The following TBCK variants were observed in gnomAD, a reference collection of about 807,000 sequenced individuals.
TBCK encodes TBC1 domain containing kinase.
TBCK carries 99 observed loss-of-function variants against 113.4 expected under a neutral mutation model. The ratio of observed to expected loss-of-function variants is 0.87; its 90% CI spans 0.74 to 1.03. The LOEUF (loss-of-function observed/expected upper bound fraction) is 1.03. Ranked by LOEUF, TBCK falls within the 50% of genes least tolerant of loss-of-function variation. The probability of loss-of-function intolerance (pLI) is 0.00; values close to 1 mark genes in which losing one functional copy is unlikely to be tolerated. For synonymous variants in TBCK, 369 were observed against 370.8 expected, an observed-to-expected ratio of 1.00 and a Z score of 0.05; for missense variants, 1,045 against 1,061.3, an observed-to-expected ratio of 0.98 and a Z score of 0.21.
intron 12 of TBCK, chr4:106,237,380 C>A: frequency 2.9e-6 from 1 of 343,152 alleles, no homozygotes. Context: ...TTCCAAATAA[C>A]AACCCTGACA....
chr4:106,160,856 G>A (rs1179227070), intron 23 of TBCK, among the ~76,000 whole-genome samples: 1 of 151,980 alleles, frequency 6.6e-6, no homozygotes, highest in East Asian at 1.9e-4. Flanking sequence ...TAAAATGTGG[G>A]AGTAACCCAA....
intron 5 of TBCK, among the ~76,000 whole-genome samples, chr4:106,253,128 A>AT (rs922083308): frequency 1.3e-5 from 2 of 152,006 alleles, no homozygotes; most frequent in African/African-American, 4.8e-5. Context: ...GACACCTGGA[A>AT]TTTTTGTGTT....
chr4:106,073,967 G>C (rs1737851070), intron 25 of TBCK, among the ~76,000 whole-genome samples: 1 of 152,166 alleles, frequency 6.6e-6, no homozygotes, highest in Admixed American at 6.5e-5. Flanking sequence ...TAAGACCATT[G>C]GAAAAGTGCA....
Position 106,262,094 on chromosome 4 carries a change from T to C in TBCK, c.381+4A>G. Reference sequence around the variant, plus strand: ...AAATATTTATTACATGATTTAACAATTACCTTTCGGTCCAACAGGATATTA... The same window carrying C: ...AAATATTTATTACATGATTTAACAACTACCTTTCGGTCCAACAGGATATTA... On this transcript the variant is annotated splice_donor_region_variant and intron_variant, in intron 4 of 25. Coordinates refer to ENST00000394708, the MANE Select transcript of TBCK (RefSeq NM_001163435.3). 6.7e-7 allele frequency: 1 copy of C among 1,491,510 alleles called. No homozygotes were observed. The highest frequency in any genetic ancestry group is 1.4e-5 in the African/African-American group (1 of 71,304). The allele number at this position is 1,491,510 out of a possible 1,614,324, so 92.4% of individuals were successfully genotyped here.
chr4:106,075,105 A>T (rs1034933698), intron 25 of TBCK, among the ~76,000 whole-genome samples: 1 of 152,194 alleles, frequency 6.6e-6, no homozygotes, highest in Non-Finnish European at 1.5e-5. Flanking sequence ...ATATAATTCC[A>T]ACAAATATGC....
chr4:106,236,586 T>C (rs997113301), intron 13 of TBCK, 67 bp from the exon 14 acceptor site: 24 of 1,310,112 alleles, frequency 1.8e-5, no homozygotes, highest in East Asian at 5.6e-5. Context: ...TCTTTTTTTT[T>C]CCTAACTCTA....
At chr4:106,183,454 T>A (rs936585480) in intron 22 of TBCK, among the ~76,000 whole-genome samples, 1 of 152,016 alleles carries the variant, frequency 6.6e-6, no homozygotes, top group Non-Finnish European at 1.5e-5. Context: ...AAGACAGCCA[T>A]GAGCCTCACA....
intron 6 of TBCK, among the ~76,000 whole-genome samples, chr4:106,251,373 T>C (rs1030645209): frequency 7.2e-5 from 11 of 151,806 alleles, no homozygotes; most frequent in Admixed American, 2.6e-4. Context: ...CTGGTGTTTA[T>C]AGAAAAAAGA....
chr4:106,096,663 C>G (rs965980773), intron 24 of TBCK, among the ~76,000 whole-genome samples: 4 of 152,138 alleles, frequency 2.6e-5, no homozygotes, highest in African/African-American at 9.7e-5. Context: ...TCAGATGACC[C>G]TGCTACAACC....
chr4:106,214,060 CCT>C (rs1305771102), intron 19 of TBCK, among the ~76,000 whole-genome samples: 1 of 152,114 alleles, frequency 6.6e-6, no homozygotes, highest in Non-Finnish European at 1.5e-5. Flanking sequence ...GTCCCTGACC[CCT>C]GACCCCCGAG....
At chr4:106,289,555 G>A (rs1408791778) in intron 3 of TBCK, among the ~76,000 whole-genome samples, 1 of 152,042 alleles carries the variant, frequency 6.6e-6, no homozygotes, top group African/African-American at 2.4e-5. Context: ...CAGATCATGA[G>A]GTCAGGAGTT....
intron 23 of TBCK, among the ~76,000 whole-genome samples, chr4:106,118,633 AC>A (rs1743859289): frequency 6.6e-6 from 1 of 152,164 alleles, no homozygotes; most frequent in Non-Finnish European, 1.5e-5. Flanking sequence ...AAAATAAAGA[AC>A]TTTTTGATTA....
At chr4:106,187,064 T>A (rs1347883174) in intron 22 of TBCK, among the ~76,000 whole-genome samples, 1 of 152,188 alleles carries the variant, frequency 6.6e-6, no homozygotes, top group African/African-American at 2.4e-5. Flanking sequence ...GTGGCTTTAA[T>A]TCTGCGTTCT....
chr4:106,116,395 AC>A lies in TBCK; in HGVS notation c.2236-18del. 6.3e-7 allele frequency: 1 copy of A among 1,592,456 alleles called. No individual in the cohort carries two copies. On this transcript the variant is annotated intron_variant, in intron 23 of 25. Transcript: ENST00000394708. Reference sequence around the variant, plus strand: ...TTCTCTTGACTGAAAAAAAAAATGTACAAAAAAAAATATTGAGAATATTATA... The same window carrying A: ...TTCTCTTGACTGAAAAAAAAAATGTAAAAAAAAAATATTGAGAATATTATA...
intron 25 of TBCK, among the ~76,000 whole-genome samples, chr4:106,078,172 C>T (rs183086493): frequency 5.9e-5 from 9 of 152,214 alleles, no homozygotes; most frequent in African/African-American, 9.6e-5. Context: ...TAAACTCCTA[C>T]GTGAAGAAGT....
rs1051747947 is a variant in TBCK, at chr4:106,194,699, C to A, written c.1897+19G>T. On this transcript the variant is annotated intron_variant, in intron 21 of 25. Transcript: ENST00000394708. ...TTTGCTAATACAATATCAAAAAAACCGGGGGAAGTCATACTTACGAGTAAA... is the reference window on the plus strand; with the variant it reads ...TTTGCTAATACAATATCAAAAAAACAGGGGGAAGTCATACTTACGAGTAAA... 1 of 1,586,534 alleles carries A rather than the reference C, an allele frequency of 6.3e-7. No homozygotes were observed. Among genetic ancestry groups the A allele is most frequent in the East Asian group, 2.3e-5 (1 of 43,100 alleles).
Position 106,131,388 on chromosome 4 carries a change from G to A in TBCK, c.2236-15010C>T, listed in dbSNP as rs192309743. Among the ~76,000 whole-genome samples, 182 of 152,334 alleles carry A rather than the reference G, an allele frequency of 1.2e-3. 3 individuals are homozygous for A. The highest frequency in any genetic ancestry group is 8.9e-3 in the East Asian group (46 of 5,178). On this transcript the variant is annotated intron_variant, in intron 23 of 25. Coordinates refer to ENST00000394708, the MANE Select transcript of TBCK (RefSeq NM_001163435.3). The stretch of plus-strand genomic sequence containing the variant: ...AGAACTCTGGGAGGCCAAGGCGGGC[G>A]GATCACCTGAGGTTGGGAGTTTGAG...
chr4:106,048,669 A>G (rs1451040999), intron 25 of TBCK, among the ~76,000 whole-genome samples: 1 of 152,154 alleles, frequency 6.6e-6, no homozygotes, highest in African/African-American at 2.4e-5. Flanking sequence ...AGATAAACAT[A>G]ACATTACTGA....
At chr4:106,049,689 A>T (rs1449246690) in intron 25 of TBCK, among the ~76,000 whole-genome samples, 4 of 151,760 alleles carry the variant, frequency 2.6e-5, no homozygotes, top group Admixed American at 2.6e-4. Context: ...CAGAGTGCAG[A>T]CTCCACCCAG....
Sources: allele counts gnomAD v4.1 joint callset (sites outside exome capture counted in the v4.1 genomes callset), GRCh38; gene constraint gnomAD v4.1.1; transcripts MANE v1.5; gene names NCBI Gene and HGNC (gene_info 2026-07-23, HGNC 2026-07-21).